DNAH12: variants seen among roughly 807,000 people sequenced by gnomAD.
DNAH12 encodes the protein axonemal beta dynein heavy chain 12.
In DNAH12, 285 loss-of-function variants were observed where a neutral mutation model predicts 371.5. That is an observed-to-expected ratio of 0.77 (90% CI 0.70 to 0.85). The LOEUF is 0.85. Among genes scored for constraint, DNAH12 ranks in the 40% least tolerant of loss-of-function variants. The pLI is 0.00. For synonymous variants in DNAH12, 1,200 were observed against 1,213.0 expected (o/e 0.99, Z 0.22); for missense variants, 3,611 against 3,689.4 (o/e 0.98, Z 0.55).
chr3:57,426,848 AT>A (rs2064786611), intron 34 of DNAH12, among the ~76,000 whole-genome samples: 1 of 144,000 alleles, frequency 6.9e-6, no homozygotes, highest in Admixed American at 6.9e-5. Context: ...AAAAAAAAAA[AT>A]CTGGGGACTG....
chr3:57,474,901 G>C (rs1170245423), intron 13 of DNAH12, among the ~76,000 whole-genome samples: 1 of 151,844 alleles, frequency 6.6e-6, no homozygotes, highest in African/African-American at 2.4e-5. Context: ...TCTTGAACCC[G>C]GGAGGCAGAG....
chr3:57,507,573 T>C (rs1275649845), intron 8 of DNAH12, 70 bp downstream of exon 8: 1 of 1,131,844 alleles, frequency 8.8e-7, no homozygotes, highest in Non-Finnish European at 1.2e-6. Context: ...TATGTTTACG[T>C]AGAATTCTAT....
chr3:57,476,543 G>A (rs1455874778), intron 13 of DNAH12, among the ~76,000 whole-genome samples: 1 of 151,190 alleles, frequency 6.6e-6, no homozygotes, highest in Non-Finnish European at 1.5e-5. Context: ...CAGCCTGGGT[G>A]ACAGAGCGAG....
intron 57 of DNAH12, among the ~76,000 whole-genome samples, chr3:57,365,334 TATC>T (rs1379719959): frequency 1.3e-5 from 2 of 151,976 alleles, no homozygotes; most frequent in African/African-American, 4.8e-5. Flanking sequence ...TGGAAGCCAT[TATC>T]ATCAGCAAAC....
In DNAH12 at chr3:57,413,728, A is replaced by G. The variant is rs540279183; in HGVS notation, c.6020+18T>C. 3 of 1,544,670 alleles carry G rather than the reference A, an allele frequency of 1.9e-6. No homozygotes were observed. Among genetic ancestry groups the G allele is most frequent in the Middle Eastern group, 1.7e-4 (1 of 5,956 alleles). On this transcript the variant is annotated intron_variant, in intron 39 of 73. Transcript: ENST00000495027. ...CTGAGGTATAACTTCAGCATAACTT[A>G]TCGAATTAAATAGTTACCAATGTCC...
chr3:57,405,025 C>T lies in DNAH12; in HGVS notation c.6699G>A (p.Gln2233=). 1 of 1,543,522 alleles carries T rather than the reference C, an allele frequency of 6.5e-7. No homozygotes were observed. Among genetic ancestry groups the T allele is most frequent in the Non-Finnish European group, 8.7e-7 (1 of 1,144,708 alleles). ...NIHHFSDVVD[Q]CLDEYNQTHK... The stretch of plus-strand genomic sequence containing the variant: ...GTGTTTGATTATACTCATCTAAGCA[C>T]TGGTCCACAACATCACTAAAATGAT... Residue 2233 remains glutamine, a synonymous_variant, in exon 42 of 74, where the codon CAG becomes CAA. Coordinates refer to ENST00000495027, the MANE Select transcript of DNAH12 (RefSeq NM_001366028.2).
chr3:57,444,520 C>A (rs1234605108), intron 29 of DNAH12, among the ~76,000 whole-genome samples, 177 bp downstream of exon 29: 1 of 152,110 alleles, frequency 6.6e-6, no homozygotes, highest in African/African-American at 2.4e-5. Flanking sequence ...CAGGTTAACC[C>A]TGGTATCATA....
intron 65 of DNAH12, among the ~76,000 whole-genome samples, chr3:57,316,992 T>C (rs2061700022): frequency 6.6e-6 from 1 of 152,204 alleles, no homozygotes; most frequent in Non-Finnish European, 1.5e-5. Context: ...TGAGCCTCAG[T>C]TTCCTTATTT....
intron 37 of DNAH12, among the ~76,000 whole-genome samples, chr3:57,416,234 G>A (rs915400996): frequency 1.3e-5 from 2 of 151,880 alleles, no homozygotes; most frequent in African/African-American, 4.8e-5. Flanking sequence ...CAGGTGGCAT[G>A]CCACCACACC....
chr3:57,482,446 A>G (rs2066777068), intron 13 of DNAH12, among the ~76,000 whole-genome samples: 1 of 151,272 alleles, frequency 6.6e-6, no homozygotes, highest in Non-Finnish European at 1.5e-5. Flanking sequence ...GGATGTGGAG[A>G]AATAGGAGCA....
rs1377720284 is a variant in DNAH12, at chr3:57,446,061, T to C, written c.4149A>G (p.Ala1383=). ...GATTGTCCGGCAATTCAGAGCGTCCTGCATAGCCAGGATTCATGGTAATAG... is the reference window on the plus strand; with the variant it reads ...GATTGTCCGGCAATTCAGAGCGTCCCGCATAGCCAGGATTCATGGTAATAG... ...FVAITMNPGY[A]GRSELPDNLK... is the part of the protein sequence containing the mutation. The change falls in exon 27 of 74, where the codon GCA becomes GCG. Residue 1383 remains alanine (A), a synonymous_variant. Coordinates refer to ENST00000495027, the MANE Select transcript of DNAH12 (RefSeq NM_001366028.2). 14 of 1,551,510 alleles carry C rather than the reference T, an allele frequency of 9.0e-6. No individual in the cohort carries two copies. Among genetic ancestry groups the C allele is most frequent in the Non-Finnish European group, 1.0e-5 (12 of 1,146,962 alleles).
At chr3:57,448,827 G>A (rs2065638100) in intron 25 of DNAH12, among the ~76,000 whole-genome samples, 1 of 152,198 alleles carries the variant, frequency 6.6e-6, no homozygotes. Flanking sequence ...CACCAGAGTA[G>A]CTAGATACAG....
chr3:57,430,479 T>C (rs1233018694), intron 32 of DNAH12, among the ~76,000 whole-genome samples: 1 of 152,176 alleles, frequency 6.6e-6, no homozygotes, highest in Non-Finnish European at 1.5e-5. Context: ...AGACTATGCA[T>C]TGAGTTTTTT....
intron 1 of DNAH12, 148 bp from the exon 2 acceptor site, chr3:57,543,051 T>C: frequency 1.8e-6 from 1 of 550,862 alleles, no homozygotes; most frequent in Non-Finnish European, 2.8e-6. Flanking sequence ...GAATGACAGT[T>C]GAGGTAAGTT....
At chr3:57,388,973 C>CA (rs2063552575) in intron 45 of DNAH12, among the ~76,000 whole-genome samples, 2 of 152,036 alleles carry the variant, frequency 1.3e-5, no homozygotes, top group African/African-American at 2.4e-5. Flanking sequence ...TTAATGGGTG[C>CA]AGCACACCAA....
rs371051595 is a variant in DNAH12 at position 57,526,014 on chromosome 3, C to T, written c.171-2130G>A. Among the ~76,000 whole-genome samples the T allele has an allele frequency of 8.5e-5, 13 of 152,090 alleles. No individual in the cohort carries two copies. In the East Asian group the frequency reaches 1.7e-3, roughly 20 times the overall value. On this transcript the variant is annotated intron_variant, in intron 2 of 73. Coordinates refer to ENST00000495027, the MANE Select transcript of DNAH12 (RefSeq NM_001366028.2). ...CTGACCTCAAGTGATCCACCTGCCT[C>T]GGCCTCCCAAAGTGCTGGGATTACA...
chr3:57,551,784 T>C, the DNAH12 span, among the ~76,000 whole-genome samples: 1 of 150,472 alleles, frequency 6.6e-6, no homozygotes, highest in African/African-American at 2.4e-5. Flanking sequence ...GCTTTCTATA[T>C]CATATGAAAC....
chr3:57,548,014 A>G (rs2069591801), upstream of DNAH12, among the ~76,000 whole-genome samples: 1 of 152,230 alleles, frequency 6.6e-6, no homozygotes, highest in African/African-American at 2.4e-5. Flanking sequence ...GAATAAAGCA[A>G]TTTACTACGA....
chr3:57,493,938 T>C (rs1422426515), intron 11 of DNAH12, among the ~76,000 whole-genome samples: 1 of 152,170 alleles, frequency 6.6e-6, no homozygotes, highest in Non-Finnish European at 1.5e-5. Context: ...AACATTTCCC[T>C]CTAAGATCAA....
Sources: allele counts gnomAD v4.1 joint callset (sites outside exome capture counted in the v4.1 genomes callset), GRCh38; gene constraint gnomAD v4.1.1; transcripts MANE v1.5; gene names NCBI Gene and HGNC (gene_info 2026-07-23, HGNC 2026-07-21).